The following MCMDC2 variants were observed in gnomAD, a reference collection of about 807,000 sequenced individuals.
The protein encoded by MCMDC2 is minichromosome maintenance domain containing 2, also known as minichromosome maintenance domain-containing protein 2.
A neutral mutation model predicts 75.8 loss-of-function variants in MCMDC2; 54 were observed. The observed-to-expected ratio is 0.71, with a 90% CI of 0.57 to 0.89. The LOEUF (loss-of-function observed/expected upper bound fraction) is 0.89, where lower values mean the gene tolerates loss of function less well. Ranked by LOEUF, MCMDC2 falls within the 40% of genes least tolerant of loss-of-function variation. MCMDC2 has a pLI of 0.00. For synonymous variants in MCMDC2, 249 were observed against 274.6 expected (o/e 0.91, Z 0.92); for missense variants, 656 against 780.4 (o/e 0.84, Z 1.90).
Position 66,920,965 on chromosome 8 carries a change from C to T in MCMDC2, c.*1796C>T, listed in dbSNP as rs974626080. The stretch of plus-strand genomic sequence containing the variant: ...CAGGAGTGAGCCACCATGCATGGCA[C>T]AAAGATGGCTTTTATTTACTTATCT... On this transcript the variant is annotated 3_prime_UTR_variant, in exon 15 of 15. Coordinates refer to ENST00000422365, the MANE Select transcript of MCMDC2 (RefSeq NM_173518.5). 2.6e-4 allele frequency: 39 copies of T among 151,994 alleles called. No individual in the cohort carries two copies. Among genetic ancestry groups the T allele is most frequent in the African/African-American group, 8.7e-4 (36 of 41,360 alleles). 9.4% of individuals were successfully genotyped at this position (151,994 alleles called of 1,614,324 possible).
chr8:66,872,925 C>T (rs1389135760), intron 1 of MCMDC2, among the ~76,000 whole-genome samples: 1 of 147,132 alleles, frequency 6.8e-6, no homozygotes, highest in Non-Finnish European at 1.5e-5. Flanking sequence ...CCACTGTACT[C>T]CAGCCTGGGC....
intron 14 of MCMDC2, among the ~76,000 whole-genome samples, chr8:66,912,503 T>A (rs1211577584): frequency 6.6e-6 from 1 of 152,204 alleles, no homozygotes; most frequent in Non-Finnish European, 1.5e-5. Context: ...GAAGTTCCAC[T>A]GTGGGTAAAT....
chr8:66,872,141 A>G (rs770899571), intron 1 of MCMDC2, among the ~76,000 whole-genome samples: 15 of 152,192 alleles, frequency 9.9e-5, no homozygotes, highest in Non-Finnish European at 1.9e-4. Flanking sequence ...AATAAACGCT[A>G]AAGTTTCACT....
intron 8 of MCMDC2, among the ~76,000 whole-genome samples, chr8:66,882,029 C>G (rs1811593428): frequency 6.6e-6 from 1 of 152,120 alleles, no homozygotes; most frequent in Non-Finnish European, 1.5e-5. Context: ...TCCAGTTTGT[C>G]ATTATAGGGT....
At chr8:66,901,404 A>C in intron 13 of MCMDC2, 56 bp downstream of exon 13, 1 of 1,556,098 alleles carries the variant, frequency 6.4e-7, no homozygotes, top group Non-Finnish European at 8.7e-7. Context: ...TGATATGTTT[A>C]ATTAAATTGC....
chr8:66,912,584 ACC>A (rs1370693270), intron 14 of MCMDC2, among the ~76,000 whole-genome samples: 7 of 152,222 alleles, frequency 4.6e-5, no homozygotes, highest in Non-Finnish European at 1.0e-4. Context: ...GCACATATAC[ACC>A]ATGGAATATT....
chr8:66,886,321 C>T (rs1326370417), intron 9 of MCMDC2, among the ~76,000 whole-genome samples: 2 of 152,134 alleles, frequency 1.3e-5, no homozygotes, highest in Admixed American at 6.5e-5. Flanking sequence ...CATGCCACCA[C>T]ACCTGGCTAA....
At chr8:66,890,581 C>T (rs1812058537) in intron 9 of MCMDC2, among the ~76,000 whole-genome samples, 1 of 152,018 alleles carries the variant, frequency 6.6e-6, no homozygotes. Context: ...GGCTGGAGTG[C>T]ACAATCTTTG....
At chr8:66,891,150 A>T in intron 10 of MCMDC2, 80 bp downstream of exon 10, 1 of 1,210,206 alleles carries the variant, frequency 8.3e-7, no homozygotes, top group Non-Finnish European at 1.1e-6. Context: ...CAGTTAAGAT[A>T]GTATTGCAGT....
downstream of MCMDC2, among the ~76,000 whole-genome samples, chr8:66,924,717 C>A (rs965140933): frequency 1.3e-5 from 2 of 151,832 alleles, no homozygotes; most frequent in Admixed American, 6.6e-5. Flanking sequence ...TGTATTATGT[C>A]CAGAAATACA....
intron 14 of MCMDC2, among the ~76,000 whole-genome samples, chr8:66,910,905 G>A (rs886435434): frequency 2.6e-5 from 4 of 152,168 alleles, no homozygotes; most frequent in Non-Finnish European, 5.9e-5. Flanking sequence ...TAGAACAGGT[G>A]TATTTACCCA....
rs761817732 is a variant in MCMDC2 at position 66,874,343 on chromosome 8, GCTGT to G, written c.115_118del (p.Val39IlefsTer6). 3.5e-5 allele frequency: 57 copies of G among 1,612,164 alleles called. No homozygotes were observed. The highest frequency in any genetic ancestry group is 3.3e-4 in the Middle Eastern group (2 of 6,050). Reference sequence around the variant, plus strand: ...TTTCATAGATTCAAAACAAAGCTATGCTGTCTATCGATTCAAAATTTTAATAAAT... The same window carrying G: ...TTTCATAGATTCAAAACAAAGCTATGCTATCGATTCAAAATTTTAATAAAT... On this transcript the variant is annotated frameshift_variant, in exon 3 of 15. Coordinates refer to ENST00000422365, the MANE Select transcript of MCMDC2 (RefSeq NM_173518.5). LOFTEE classifies it high-confidence loss of function.
At chr8:66,890,744 C>T (rs1231968282) in intron 9 of MCMDC2, 121 bp from the exon 10 acceptor site, 2 of 836,054 alleles carry the variant, frequency 2.4e-6, no homozygotes, top group Non-Finnish European at 3.7e-6. Context: ...ATATTTTTAT[C>T]CCTAGCACAA....
Position 66,905,291 on chromosome 8 carries a change from TGA to T in MCMDC2, c.1836_1837del (p.Ile613CysfsTer6). 1 of 1,494,264 alleles carries T rather than the reference TGA, an allele frequency of 6.7e-7. No homozygotes were observed. The highest frequency in any genetic ancestry group is 1.7e-4 in the Middle Eastern group (1 of 5,838). The allele number at this position is 1,494,264 out of a possible 1,614,324, so 92.6% of individuals were successfully genotyped here. A position where few individuals can be genotyped will look rare whatever the true frequency, so the allele number is the denominator to read the frequency against. On this transcript the variant is annotated frameshift_variant, in exon 14 of 15. Coordinates refer to ENST00000422365, the MANE Select transcript of MCMDC2 (RefSeq NM_173518.5). LOFTEE classifies it high-confidence loss of function. ...AACAAAGTGCTTAAAGAAGATGTGC[TGA>T]TTGCAGCCTTACTATTTGAAACATC...
At chr8:66,895,057 C>T (rs1456424608) in intron 10 of MCMDC2, among the ~76,000 whole-genome samples, 1 of 152,208 alleles carries the variant, frequency 6.6e-6, no homozygotes, top group Non-Finnish European at 1.5e-5. Flanking sequence ...CCAAAATCCA[C>T]AGATGCTCAA....
At position 66,919,721 on chromosome 8, in the gene MCMDC2, T is replaced by C. The variant is rs1479360268; in HGVS notation, c.*552T>C. 1 of 152,124 alleles carries C rather than the reference T, an allele frequency of 6.6e-6. No homozygotes were observed. The highest frequency in any genetic ancestry group is 1.5e-5 in the Non-Finnish European group (1 of 68,032). The allele number at this position is 152,124 out of a possible 1,614,324, so 9.4% of individuals were successfully genotyped here. A position where few individuals can be genotyped will look rare whatever the true frequency, so the allele number is the denominator to read the frequency against. ...ATACTACTGTTTTAGAAGCCCTAAA[T>C]ATGGAATCGGGAAAAGCCTTGGAAG... On this transcript the variant is annotated 3_prime_UTR_variant, in exon 15 of 15. Transcript: ENST00000422365.
At chr8:66,915,701 T>C (rs1282576717) in intron 14 of MCMDC2, among the ~76,000 whole-genome samples, 1 of 151,820 alleles carries the variant, frequency 6.6e-6, no homozygotes, top group African/African-American at 2.4e-5. Flanking sequence ...AACCTAGGAA[T>C]ATAATTTAGG....
rs147744893 is a variant in MCMDC2, at chr8:66,918,844, G to A, written c.1880-159G>A. On this transcript the variant is annotated intron_variant, in intron 14 of 14. Coordinates refer to ENST00000422365, the MANE Select transcript of MCMDC2 (RefSeq NM_173518.5). ...ATTATTGAAATACTCTACTGAATAG[G>A]TCAGAACTTAATTTTTTGACTTTTA... Among the ~76,000 whole-genome samples, 55 of 152,212 alleles carry A rather than the reference G, an allele frequency of 3.6e-4. No homozygotes were observed. In the East Asian group the frequency reaches 0.01, roughly 28 times the overall value.
At chr8:66,909,451 G>T (rs1813022941) in intron 14 of MCMDC2, among the ~76,000 whole-genome samples, 1 of 152,172 alleles carries the variant, frequency 6.6e-6, no homozygotes, top group African/African-American at 2.4e-5. Context: ...ATGTGGGAGA[G>T]TTGGAACTTC....
Sources: gnomAD v4.1 joint callset for allele counts (sites outside exome capture counted in the v4.1 genomes callset) on GRCh38, gnomAD v4.1.1 for gene constraint, MANE v1.5 for transcripts, NCBI Gene and HGNC (gene_info 2026-07-23, HGNC 2026-07-21) for gene names.